PKNOX2: variants seen among roughly 807,000 people sequenced by gnomAD.
The protein encoded by PKNOX2 is PBX/knotted 1 homeobox 2.
A neutral mutation model predicts 53.1 loss-of-function variants in PKNOX2; 14 were observed. The ratio of observed to expected loss-of-function variants is 0.26; its 90% CI spans 0.17 to 0.41. PKNOX2 has a LOEUF of 0.41. Among genes scored for constraint, PKNOX2 ranks in the 10% least tolerant of loss-of-function variants. The pLI, the probability that PKNOX2 is intolerant of heterozygous loss-of-function variation, is 1.00. For missense variants in PKNOX2, 496 were observed against 602.8 expected, an observed-to-expected ratio of 0.82 and a Z score of 1.85; for synonymous variants, 257 against 242.8, an observed-to-expected ratio of 1.06 and a Z score of -0.54.
chr11:125,270,990 C>A (rs1945751684), intron 2 of PKNOX2, among the ~76,000 whole-genome samples: 1 of 152,142 alleles, frequency 6.6e-6, no homozygotes, highest in African/African-American at 2.4e-5. Flanking sequence ...AGATGCTGAA[C>A]CTTAGCTGCC....
At chr11:125,229,794 A>G (rs1280974988) in intron 1 of PKNOX2, among the ~76,000 whole-genome samples, 1 of 152,098 alleles carries the variant, frequency 6.6e-6, no homozygotes, top group Non-Finnish European at 1.5e-5. Context: ...CTTGCTTGTG[A>G]GCAGGCCCAC....
Position 125,403,054 on chromosome 11 carries a change from G to A in PKNOX2, c.588+4992G>A, listed in dbSNP as rs145102160. Among the ~76,000 whole-genome samples the A allele has an allele frequency of 8.7e-4, 132 of 152,300 alleles. 1 individual carries two copies. The highest frequency in any genetic ancestry group is 3.1e-3 in the African/African-American group (128 of 41,548). ...CTTTATAAAGGTGAGTGTTTCCAAT[G>A]TAGCAAGAAGTCTGAAAGAAGGCGA... On this transcript the variant is annotated intron_variant, in intron 7 of 12. Transcript: ENST00000298282.
intron 5 of PKNOX2, among the ~76,000 whole-genome samples, chr11:125,374,073 T>C (rs1437685767): frequency 6.6e-6 from 1 of 152,182 alleles, no homozygotes; most frequent in Non-Finnish European, 1.5e-5. Flanking sequence ...CCCTGGGAAC[T>C]GGAACTTCCT....
rs555536552 is a variant in PKNOX2 at position 125,238,211 on chromosome 11, G to A, written c.-130+3096G>A. On this transcript the variant is annotated intron_variant, in intron 2 of 12. Coordinates refer to ENST00000298282, the MANE Select transcript of PKNOX2 (RefSeq NM_001382323.2). ...ACCAAAGAGTAGAAACAACCAGCCCGTATCCCCAAAGGGCTGAGAGCTGAG... is the reference window on the plus strand; with the variant it reads ...ACCAAAGAGTAGAAACAACCAGCCCATATCCCCAAAGGGCTGAGAGCTGAG... Among the ~76,000 whole-genome samples the A allele has an allele frequency of 6.3e-4, 96 of 152,322 alleles. 1 individual carries two copies. The highest frequency in any genetic ancestry group is 3.4e-3 in the Middle Eastern group (1 of 294).
At chr11:125,218,081 T>C (rs979626312) in intron 1 of PKNOX2, among the ~76,000 whole-genome samples, 3 of 152,144 alleles carry the variant, frequency 2.0e-5, no homozygotes, top group African/African-American at 7.2e-5. Context: ...AGGGCCTTTC[T>C]TCTAGCTGCT....
At chr11:125,347,783 TATC>T (rs1951060019) in intron 3 of PKNOX2, among the ~76,000 whole-genome samples, 1 of 152,174 alleles carries the variant, frequency 6.6e-6, no homozygotes, top group Non-Finnish European at 1.5e-5. Flanking sequence ...CTAGATGTCA[TATC>T]ATAAAGGTTT....
chr11:125,372,752 T>C (rs571770716), intron 5 of PKNOX2, among the ~76,000 whole-genome samples: 1 of 152,318 alleles, frequency 6.6e-6, no homozygotes, highest in East Asian at 1.9e-4. Flanking sequence ...TTCTTCTGCC[T>C]CCTCTTTAGT....
chr11:125,354,785 A>G (rs941190349), intron 4 of PKNOX2, among the ~76,000 whole-genome samples: 1 of 151,902 alleles, frequency 6.6e-6, no homozygotes, highest in Non-Finnish European at 1.5e-5. Context: ...TTTTCTTCCC[A>G]TTTTAGTAGA....
At chr11:125,294,534 G>A (rs905056978) in intron 2 of PKNOX2, among the ~76,000 whole-genome samples, 7 of 152,228 alleles carry the variant, frequency 4.6e-5, no homozygotes, top group Non-Finnish European at 1.0e-4. Context: ...GACAGGGTTG[G>A]GTGGAGAGGC....
At chr11:125,224,135 C>T (rs1376741226) in intron 1 of PKNOX2, among the ~76,000 whole-genome samples, 1 of 152,254 alleles carries the variant, frequency 6.6e-6, no homozygotes, top group Non-Finnish European at 1.5e-5. Context: ...ATGGATGTCT[C>T]AGGCGGACCT....
At chr11:125,241,888 G>GAT (rs949199903) in intron 2 of PKNOX2, among the ~76,000 whole-genome samples, 45 of 152,174 alleles carry the variant, frequency 3.0e-4, no homozygotes, top group African/African-American at 1.1e-3. Context: ...CAAAAAAAGA[G>GAT]AGAGAGAGAG....
At chr11:125,252,960 A>G (rs1944118867) in intron 2 of PKNOX2, among the ~76,000 whole-genome samples, 1 of 152,214 alleles carries the variant, frequency 6.6e-6, no homozygotes, top group Non-Finnish European at 1.5e-5. Context: ...AACACAACTC[A>G]TACCAAGGCC....
chr11:125,260,534 G>A (rs970498377), intron 2 of PKNOX2, among the ~76,000 whole-genome samples: 1 of 152,110 alleles, frequency 6.6e-6, no homozygotes, highest in African/African-American at 2.4e-5. Context: ...GGTGATTGAT[G>A]CTCACATAGG....
chr11:125,353,250 A>G (rs1281582622), intron 4 of PKNOX2, among the ~76,000 whole-genome samples: 12 of 152,186 alleles, frequency 7.9e-5, no homozygotes, highest in Non-Finnish European at 1.6e-4. Context: ...AGGACAGACC[A>G]GGGCAGGGCT....
At position 125,422,850 on chromosome 11, in the gene PKNOX2, A is replaced by G. The variant is rs111247340; in HGVS notation, c.937-6162A>G. ...CATTTGAAAAAATGAGCGTATTTGT[A>G]TGCTCACAGAAGGGGCTGCTGGGAG... On this transcript the variant is annotated intron_variant, in intron 10 of 12. Coordinates refer to ENST00000298282, the MANE Select transcript of PKNOX2 (RefSeq NM_001382323.2). The surrounding 1 kb of genome is among the most constrained non-coding windows in gnomAD (Gnocchi z 4.1). Among the ~76,000 whole-genome samples, 2,077 of 152,292 alleles carry G rather than the reference A, an allele frequency of 0.014. 21 individuals carry two copies. Among genetic ancestry groups the G allele is most frequent in the Non-Finnish European group, 0.022 (1,483 of 68,018 alleles).
intron 11 of PKNOX2, 24 bp from the exon 12 acceptor site, chr11:125,429,939 G>T: frequency 6.2e-7 from 1 of 1,609,810 alleles, no homozygotes; most frequent in Non-Finnish European, 8.5e-7. Context: ...TGACTAACCA[G>T]GTCTCCACTT....
chr11:125,216,666 C>A (rs942924617), intron 1 of PKNOX2, among the ~76,000 whole-genome samples: 2 of 152,202 alleles, frequency 1.3e-5, no homozygotes, highest in African/African-American at 4.8e-5. Flanking sequence ...GTTCTCTCTG[C>A]CCCAGCGCTC....
At chr11:125,233,836 G>A (rs1942441317) in intron 1 of PKNOX2, among the ~76,000 whole-genome samples, 1 of 152,180 alleles carries the variant, frequency 6.6e-6, no homozygotes, top group Non-Finnish European at 1.5e-5. Context: ...AAGATGGCAG[G>A]GACATGTGAG....
At chr11:125,408,396 C>G (rs1955246494) in intron 7 of PKNOX2, among the ~76,000 whole-genome samples, 2 of 152,236 alleles carry the variant, frequency 1.3e-5, no homozygotes, top group Non-Finnish European at 2.9e-5. Context: ...AAGAGCTGCC[C>G]CCTCTGTTCC....
Sources: allele counts gnomAD v4.1 joint callset (sites outside exome capture counted in the v4.1 genomes callset), GRCh38; gene constraint gnomAD v4.1.1; non-coding constraint Gnocchi (gnomAD v3.1); transcripts MANE v1.5; gene names NCBI Gene and HGNC (gene_info 2026-07-23, HGNC 2026-07-21).